The following ST18 variants were observed in gnomAD, a reference collection of about 807,000 sequenced individuals.
ST18 encodes ST18 C2H2C-type zinc finger transcription factor.
A neutral mutation model predicts 110.0 loss-of-function variants in ST18; 50 were observed. The observed-to-expected ratio is 0.45, with a 90% CI of 0.36 to 0.58. The LOEUF is 0.58. ST18 is among the 20% of genes least tolerant of loss of function. The probability of loss-of-function intolerance (pLI) is 0.00; values close to 1 mark genes in which losing one functional copy is unlikely to be tolerated. For missense variants in ST18, 1,306 were observed against 1,280.1 expected (o/e 1.02, Z -0.31); for synonymous variants, 461 against 452.4 (o/e 1.02, Z -0.24).
intron 2 of ST18, among the ~76,000 whole-genome samples, chr8:52,357,657 C>A (rs1219750126): frequency 9.2e-6 from 1 of 108,528 alleles, no homozygotes; most frequent in Non-Finnish European, 1.9e-5. Context: ...TTACACATAA[C>A]AAATCCCCAA....
In ST18 at chr8:52,273,652, G is replaced by T. The variant is rs1405810299; in HGVS notation, c.-464-43575C>A. On this transcript the variant is annotated intron_variant, in intron 2 of 25. Transcript: ENST00000689386. ...GAACACTGTTTATAATATGACACTGGCTGCTCAGGCAAAATGGGTTCTATT... is the reference window on the plus strand; with the variant it reads ...GAACACTGTTTATAATATGACACTGTCTGCTCAGGCAAAATGGGTTCTATT... 2.6e-5 allele frequency among the ~76,000 whole-genome samples: 4 copies of T among 152,126 alleles called. No individual in the cohort carries two copies. The East Asian group carries it at 7.7e-4, about 29-fold the overall frequency.
In ST18 at chr8:52,338,838, G is replaced by A. The variant is rs568776338; in HGVS notation, c.-465+70490C>T. 5.3e-5 allele frequency among the ~76,000 whole-genome samples: 8 copies of A among 152,048 alleles called. No homozygotes were observed. The East Asian group carries it at 1.2e-3, about 22-fold the overall frequency. On this transcript the variant is annotated intron_variant, in intron 2 of 25. Coordinates refer to ENST00000689386, the MANE Select transcript of ST18 (RefSeq NM_001352837.2). ...CTACAGCCTCAACCTTCTGAGCTCA[G>A]TCAATCCTCCTACCTCAGTCTCCTG...
At chr8:52,388,809 C>T (rs1420208998) in intron 2 of ST18, among the ~76,000 whole-genome samples, 2 of 93,260 alleles carry the variant, frequency 2.1e-5, no homozygotes, top group Admixed American at 3.3e-4. Flanking sequence ...ACTCCGGGGA[C>T]TGTTGTGGGG....
At chr8:52,310,248 A>G (rs1320935042) in intron 2 of ST18, among the ~76,000 whole-genome samples, 1 of 152,208 alleles carries the variant, frequency 6.6e-6, no homozygotes, top group Non-Finnish European at 1.5e-5. Flanking sequence ...CAGTGTTAGC[A>G]GCAGATAGGT....
intron 2 of ST18, among the ~76,000 whole-genome samples, chr8:52,363,223 A>G (rs1826473421): frequency 6.6e-6 from 1 of 152,184 alleles, no homozygotes; most frequent in Admixed American, 6.5e-5. Context: ...AAAAGAAAAA[A>G]AAAATCTCCT....
intron 8 of ST18, among the ~76,000 whole-genome samples, chr8:52,196,672 C>T (rs961560830): frequency 1.3e-5 from 2 of 152,104 alleles, no homozygotes; most frequent in African/African-American, 4.8e-5. Flanking sequence ...TTGTTAATGT[C>T]TTTATGTGCC....
chr8:52,354,073 C>G (rs1821598538), intron 2 of ST18, among the ~76,000 whole-genome samples: 1 of 152,204 alleles, frequency 6.6e-6, no homozygotes, highest in African/African-American at 2.4e-5. Context: ...CCAACCTTTC[C>G]AAAAGTTTGA....
At chr8:52,407,164 G>T (rs1844820531) in intron 2 of ST18, 1 of 152,116 alleles carries the variant, frequency 6.6e-6, no homozygotes, top group Non-Finnish European at 1.5e-5. Flanking sequence ...CCATAGATTT[G>T]TCCCCTCACG....
intron 2 of ST18, chr8:52,313,416 C>T (rs1245490519): frequency 6.5e-6 from 1 of 155,030 alleles, no homozygotes; most frequent in Non-Finnish European, 1.4e-5. Context: ...GTAAACAACT[C>T]TATTACCAGG....
intron 5 of ST18, among the ~76,000 whole-genome samples, chr8:52,218,156 T>C (rs986023212): frequency 1.3e-5 from 2 of 152,098 alleles, no homozygotes; most frequent in Admixed American, 6.6e-5. Context: ...CTTGGCTATG[T>C]TGAGGTTTTG....
intron 8 of ST18, among the ~76,000 whole-genome samples, chr8:52,184,897 G>A (rs2071391343): frequency 1.3e-5 from 2 of 152,112 alleles, no homozygotes; most frequent in South Asian, 2.1e-4. Flanking sequence ...TTCTTCTAAT[G>A]AGACAGAATA....
chr8:52,290,289 T>C (rs763275986), intron 2 of ST18, among the ~76,000 whole-genome samples: 52 of 152,124 alleles, frequency 3.4e-4, no homozygotes, highest in Non-Finnish European at 6.2e-4. Context: ...GGGCTGGGCA[T>C]TTGACAGGAT....
intron 2 of ST18, among the ~76,000 whole-genome samples, chr8:52,260,692 C>T (rs16917576): frequency 0.056 from 8,519 of 152,168 alleles, 800 homozygotes; most frequent in African/African-American, 0.2. Context: ...TCTATGCACA[C>T]TTCCTTCTTC....
At chr8:52,403,719 T>C in intron 2 of ST18, 1 of 152,236 alleles carries the variant, frequency 6.6e-6, no homozygotes, top group Admixed American at 6.5e-5. Flanking sequence ...TATTCATTGT[T>C]TATTCATTTT....
chr8:52,343,277 T>G (rs1245987364), intron 2 of ST18, among the ~76,000 whole-genome samples: 1 of 152,118 alleles, frequency 6.6e-6, no homozygotes, highest in African/African-American at 2.4e-5. Flanking sequence ...TCAGGAGAGT[T>G]GGGTTTTACT....
At chr8:52,226,685 A>G (rs552450688) in intron 3 of ST18, among the ~76,000 whole-genome samples, 15 of 152,336 alleles carry the variant, frequency 9.8e-5, no homozygotes, top group Middle Eastern at 3.4e-3. Context: ...ACTTAACTTC[A>G]AGGCTTGTGT....
intron 2 of ST18, among the ~76,000 whole-genome samples, chr8:52,267,268 T>C (rs1294000067): frequency 2.0e-5 from 3 of 151,634 alleles, no homozygotes; most frequent in Non-Finnish European, 1.5e-5. Flanking sequence ...AAGAGTGGTA[T>C]TAGGAGGGTG....
chr8:52,165,072 A>G (rs1439194561), intron 12 of ST18, 63 bp downstream of exon 12: 1 of 1,505,798 alleles, frequency 6.6e-7, no homozygotes, highest in Non-Finnish European at 9.2e-7. Flanking sequence ...CCATTATTTT[A>G]TTGGTGGAAC....
chr8:52,354,538 G>A (rs1346909668), intron 2 of ST18, among the ~76,000 whole-genome samples: 1 of 152,186 alleles, frequency 6.6e-6, no homozygotes, highest in Admixed American at 6.5e-5. Context: ...GCTTCAGCAG[G>A]CAGGGGATAC....
Sources: allele counts gnomAD v4.1 joint callset (sites outside exome capture counted in the v4.1 genomes callset), GRCh38; gene constraint gnomAD v4.1.1; transcripts MANE v1.5; gene names NCBI Gene and HGNC (gene_info 2026-07-23, HGNC 2026-07-21).